Variants in GRIK2 observed in about 807,000 individuals in gnomAD.
The protein encoded by GRIK2 is glutamate receptor ionotropic, kainate 2.
In GRIK2, 32 loss-of-function variants were observed where a neutral mutation model predicts 100.3. The ratio of observed to expected loss-of-function variants is 0.32; its 90% CI spans 0.24 to 0.43. The LOEUF (loss-of-function observed/expected upper bound fraction) is 0.43, where lower values mean the gene tolerates loss of function less well. GRIK2 is among the 20% of genes least tolerant of loss of function. GRIK2 has a pLI of 1.00. For missense variants in GRIK2, 843 were observed against 1,114.9 expected (o/e 0.76, Z 3.47); for synonymous variants, 417 against 389.4 (o/e 1.07, Z -0.83).
intron 2 of GRIK2, among the ~76,000 whole-genome samples, chr6:101,463,892 G>T (rs1771476055): frequency 6.6e-6 from 1 of 152,060 alleles, no homozygotes; most frequent in Non-Finnish European, 1.5e-5. Flanking sequence ...AACTTTATTG[G>T]ATTAAAGGAT....
intron 1 of GRIK2, among the ~76,000 whole-genome samples, chr6:101,398,441 G>A (rs1461738855): frequency 1.3e-5 from 2 of 152,112 alleles, no homozygotes; most frequent in Non-Finnish European, 2.9e-5. Context: ...CTCTCCAATT[G>A]CATTCCAATC....
rs2114549419 is a variant in GRIK2 at position 102,069,788 on chromosome 6, C to T, written c.*1277C>T. 6.6e-6 allele frequency: 1 copy of T among 151,998 alleles called. No individual in the cohort carries two copies. The highest frequency in any genetic ancestry group is 2.4e-5 in the African/African-American group (1 of 41,484). 9.4% of individuals were successfully genotyped at this position (151,998 alleles called of 1,614,324 possible). A position where few individuals can be genotyped will look rare whatever the true frequency, so the allele number is the denominator to read the frequency against. ...TCAAGCATGAATGGTAGTGCGTGTGCACCACCAACGTTTGGTGAAAACTAT... is the reference window on the plus strand; with the variant it reads ...TCAAGCATGAATGGTAGTGCGTGTGTACCACCAACGTTTGGTGAAAACTAT... On this transcript the variant is annotated 3_prime_UTR_variant, in exon 17 of 17. Transcript: ENST00000369134.
intron 14 of GRIK2, among the ~76,000 whole-genome samples, chr6:102,034,179 T>C (rs1582759585): frequency 6.6e-6 from 1 of 151,342 alleles, no homozygotes; most frequent in Non-Finnish European, 1.5e-5. Context: ...TCCTTGTCTT[T>C]ATAGAGCACT....
chr6:101,683,853 A>G (rs962242415), intron 6 of GRIK2, among the ~76,000 whole-genome samples: 1 of 152,116 alleles, frequency 6.6e-6, no homozygotes, highest in Non-Finnish European at 1.5e-5. Flanking sequence ...CTCCTGTATC[A>G]CCAACAAAAT....
At chr6:101,420,247 T>C (rs1019267083) in intron 2 of GRIK2, among the ~76,000 whole-genome samples, 3 of 152,220 alleles carry the variant, frequency 2.0e-5, no homozygotes, top group African/African-American at 7.2e-5. Flanking sequence ...AATTCAAATG[T>C]AGGTCAGTCT....
intron 2 of GRIK2, among the ~76,000 whole-genome samples, chr6:101,621,703 A>G (rs1198062406): frequency 6.6e-6 from 1 of 152,078 alleles, no homozygotes; most frequent in African/African-American, 2.4e-5. Context: ...TTTTGGCAGC[A>G]ATACTAAGGC....
At chr6:101,974,172 C>A (rs1793228763) in intron 14 of GRIK2, among the ~76,000 whole-genome samples, 1 of 151,782 alleles carries the variant, frequency 6.6e-6, no homozygotes, top group African/African-American at 2.4e-5. Flanking sequence ...AATAAAAATT[C>A]ATTTTATAAA....
chr6:101,820,352 C>T (rs1781879442), intron 10 of GRIK2, among the ~76,000 whole-genome samples: 1 of 151,738 alleles, frequency 6.6e-6, no homozygotes, highest in Non-Finnish European at 1.5e-5. Flanking sequence ...AGTAATCTGG[C>T]CCCTACACTC....
At chr6:101,598,592 T>TAAAAAAAAAAAAAAAAAAAAAAAA (rs75603851) in intron 2 of GRIK2, among the ~76,000 whole-genome samples, 4 of 82,376 alleles carry the variant, frequency 4.9e-5, no homozygotes, top group Admixed American at 1.3e-4. Flanking sequence ...TCTTCCTTAA[T>TAAAAAAAAAAAAAAAAAAAAAAAA]AAAAAAAAAA....
chr6:101,698,587 G>A (rs936157551), intron 7 of GRIK2, among the ~76,000 whole-genome samples: 2 of 151,972 alleles, frequency 1.3e-5, no homozygotes, highest in Non-Finnish European at 2.9e-5. Flanking sequence ...GTACCAAATC[G>A]ATCCTTCATA....
At chr6:101,939,468 T>C (rs182103579) in intron 14 of GRIK2, among the ~76,000 whole-genome samples, 1 of 152,198 alleles carries the variant, frequency 6.6e-6, no homozygotes, top group Admixed American at 6.6e-5. Flanking sequence ...CTTTTGCAAA[T>C]ACAGGTTACC....
chr6:101,583,761 T>G (rs958548814), intron 2 of GRIK2, among the ~76,000 whole-genome samples: 1 of 152,174 alleles, frequency 6.6e-6, no homozygotes, highest in Non-Finnish European at 1.5e-5. Flanking sequence ...TGGCTTTTTT[T>G]GTCCTTTCAT....
intron 11 of GRIK2, among the ~76,000 whole-genome samples, chr6:101,866,425 C>A (rs1200436549): frequency 6.6e-6 from 1 of 152,058 alleles, no homozygotes; most frequent in Non-Finnish European, 1.5e-5. Flanking sequence ...ATCTCATGTA[C>A]CCCATAAATA....
chr6:101,620,826 C>G (rs1430491450), intron 2 of GRIK2, among the ~76,000 whole-genome samples: 2 of 152,028 alleles, frequency 1.3e-5, no homozygotes, highest in Non-Finnish European at 2.9e-5. Context: ...AACAATGATT[C>G]TTTTGGAGGC....
intron 11 of GRIK2, among the ~76,000 whole-genome samples, chr6:101,878,726 T>A (rs1019550191): frequency 1.3e-5 from 2 of 151,986 alleles, no homozygotes; most frequent in African/African-American, 4.8e-5. Context: ...GTAATCTCCC[T>A]TCATTCCTAA....
intron 2 of GRIK2, among the ~76,000 whole-genome samples, chr6:101,482,163 G>A (rs1772565936): frequency 6.6e-6 from 1 of 152,168 alleles, no homozygotes; most frequent in African/African-American, 2.4e-5. Flanking sequence ...CACTAGTGAA[G>A]TCAAAGTCTA....
At chr6:101,767,836 G>C (rs537822947) in intron 7 of GRIK2, among the ~76,000 whole-genome samples, 1 of 151,786 alleles carries the variant, frequency 6.6e-6, no homozygotes, top group South Asian at 2.1e-4. Flanking sequence ...CATAAATATA[G>C]GTCTAGATAA....
At chr6:101,806,619 A>G (rs2128416591) in intron 9 of GRIK2, among the ~76,000 whole-genome samples, 1 of 145,504 alleles carries the variant, frequency 6.9e-6, no homozygotes, top group Non-Finnish European at 1.5e-5. Context: ...TGCCCTACCT[A>G]CAGAGGGTTT....
chr6:101,584,605 A>G (rs1047932167), intron 2 of GRIK2, among the ~76,000 whole-genome samples: 5 of 152,048 alleles, frequency 3.3e-5, no homozygotes, highest in Non-Finnish European at 7.4e-5. Flanking sequence ...TCTTCTGTGA[A>G]GTAAATAAGC....
Sources: gnomAD v4.1 joint callset for allele counts (sites outside exome capture counted in the v4.1 genomes callset) on GRCh38, gnomAD v4.1.1 for gene constraint, MANE v1.5 for transcripts, NCBI Gene and HGNC (gene_info 2026-07-23, HGNC 2026-07-21) for gene names.